Variants in KANSL1L observed in about 807,000 individuals in gnomAD.
KANSL1L encodes the protein KAT8 regulatory NSL complex subunit 1 like.
Under a neutral mutation model 108.6 loss-of-function variants are expected in KANSL1L, and 25 were observed. The observed-to-expected ratio is 0.23, with a 90% confidence interval of 0.17 to 0.32. KANSL1L has a LOEUF of 0.32. Among genes scored for constraint, KANSL1L ranks in the 10% least tolerant of loss-of-function variants. The pLI is 1.00. For missense variants in KANSL1L, 1,137 were observed against 1,125.7 expected (o/e 1.01, Z -0.14); for synonymous variants, 405 against 395.1 (o/e 1.03, Z -0.30).
intron 6 of KANSL1L, among the ~76,000 whole-genome samples, chr2:210,072,451 AAGAC>A (rs1320475048): frequency 6.6e-6 from 1 of 152,216 alleles, no homozygotes; most frequent in African/African-American, 2.4e-5. Context: ...GAGGCACTTT[AAGAC>A]AGCAGTCCCC....
intron 2 of KANSL1L, among the ~76,000 whole-genome samples, chr2:210,145,268 C>A (rs2095257503): frequency 6.6e-6 from 1 of 152,160 alleles, no homozygotes; most frequent in Non-Finnish European, 1.5e-5. Flanking sequence ...GGTGCATTTG[C>A]AGTGGTGGCA....
intron 1 of KANSL1L, among the ~76,000 whole-genome samples, chr2:210,160,928 T>C (rs1030026838): frequency 3.3e-5 from 5 of 150,584 alleles, no homozygotes; most frequent in African/African-American, 1.2e-4. Flanking sequence ...AGCAAAAGGA[T>C]GAACACATAT....
At chr2:210,088,788 C>T (rs1358588922) in intron 5 of KANSL1L, 2 of 152,262 alleles carry the variant, frequency 1.3e-5, no homozygotes, top group African/African-American at 4.8e-5. Flanking sequence ...GCCATCGCCA[C>T]CTCCACAAAA....
chr2:210,042,617 C>T (rs897978598), intron 7 of KANSL1L, among the ~76,000 whole-genome samples: 5 of 151,890 alleles, frequency 3.3e-5, no homozygotes, highest in African/African-American at 1.2e-4. Context: ...ATGAACAGAA[C>T]AAAGATATCT....
intron 5 of KANSL1L, among the ~76,000 whole-genome samples, chr2:210,082,631 T>C (rs1269882728): frequency 6.6e-6 from 1 of 152,234 alleles, no homozygotes; most frequent in Non-Finnish European, 1.5e-5. Flanking sequence ...GCATATGTCC[T>C]GCCCTTTGCT....
At chr2:210,113,072 G>C (rs927867103) in intron 3 of KANSL1L, among the ~76,000 whole-genome samples, 4 of 152,114 alleles carry the variant, frequency 2.6e-5, no homozygotes, top group African/African-American at 9.7e-5. Context: ...TCTGTGTTCT[G>C]ATCACTGATT....
Position 210,028,839 on chromosome 2 carries a change from A to C in KANSL1L, c.2396+6T>G. On this transcript the variant is annotated splice_donor_region_variant and intron_variant, in intron 11 of 14. Transcript: ENST00000281772. ...AAGAAAAATATGAAGATGTAAGTATACATACCTTGGAGTAAGTATTTCCTT... is the reference window on the plus strand; with the variant it reads ...AAGAAAAATATGAAGATGTAAGTATCCATACCTTGGAGTAAGTATTTCCTT... 1 of 1,570,944 alleles carries C rather than the reference A, an allele frequency of 6.4e-7. No individual in the cohort carries two copies. The highest frequency in any genetic ancestry group is 8.7e-7 in the Non-Finnish European group (1 of 1,150,810).
chr2:210,156,445 C>T (rs1216436088), intron 1 of KANSL1L, among the ~76,000 whole-genome samples: 1 of 151,632 alleles, frequency 6.6e-6, no homozygotes, highest in African/African-American at 2.4e-5. Context: ...AATAACAAAA[C>T]AGAGAATAAA....
chr2:210,117,682 A>G (rs376073980), intron 3 of KANSL1L, among the ~76,000 whole-genome samples: 1 of 152,118 alleles, frequency 6.6e-6, no homozygotes, highest in East Asian at 1.9e-4. Context: ...CACTAGACTA[A>G]GAAAAAAAAC....
intron 6 of KANSL1L, among the ~76,000 whole-genome samples, chr2:210,049,819 A>G (rs2094269507): frequency 6.6e-6 from 1 of 152,224 alleles, no homozygotes; most frequent in South Asian, 2.1e-4. Context: ...TAGAAAAGGC[A>G]TTTTCATTTC....
At chr2:210,124,353 G>GA (rs2095047063) in intron 3 of KANSL1L, among the ~76,000 whole-genome samples, 1 of 151,876 alleles carries the variant, frequency 6.6e-6, no homozygotes, top group Non-Finnish European at 1.5e-5. Flanking sequence ...CAGAAAACTG[G>GA]AAAATGCACA....
intron 4 of KANSL1L, among the ~76,000 whole-genome samples, chr2:210,099,609 C>T (rs1428265309): frequency 2.0e-5 from 3 of 152,122 alleles, no homozygotes; most frequent in African/African-American, 7.2e-5. Flanking sequence ...AATCATTAGT[C>T]ATGCAAATAA....
chr2:210,154,100 A>C lies in KANSL1L; in HGVS notation c.483T>G (p.Thr161=), dbSNP rs756141704. 1.2e-5 allele frequency: 20 copies of C among 1,613,892 alleles called. No homozygotes were observed. In the South Asian group the frequency reaches 1.9e-4, roughly 15 times the overall value. The change falls in exon 2 of 15, where the codon ACT becomes ACG. Residue 161 remains threonine, a synonymous_variant. Transcript: ENST00000281772. ...IILDSNITKD[T]NVDKVQLQNC... ...TTTGTAGTTGTACTTTATCTACATT[A>C]GTGTCTTTGGTTATATTTGAATCCA...
intron 3 of KANSL1L, among the ~76,000 whole-genome samples, chr2:210,107,507 C>T (rs1433729803): frequency 1.4e-5 from 2 of 138,108 alleles, no homozygotes; most frequent in Admixed American, 7.1e-5. Flanking sequence ...GCTTTCTTCT[C>T]CTCAAAAAAA....
Position 210,104,088 on chromosome 2 carries a change from CT to C in KANSL1L, c.1428+15del, listed in dbSNP as rs1250482275. 1.3e-6 allele frequency: 2 copies of C among 1,592,122 alleles called. No individual in the cohort carries two copies. Among genetic ancestry groups the C allele is most frequent in the Non-Finnish European group, 1.7e-6 (2 of 1,160,346 alleles). ...AAAGTCATTTCATACCACTGATATC[CT>C]TACTTTGACTTTACCTGTTTTTCGA... On this transcript the variant is annotated intron_variant, in intron 4 of 14. Coordinates refer to ENST00000281772, the MANE Select transcript of KANSL1L (RefSeq NM_152519.4).
At chr2:210,130,841 A>G (rs889606984) in intron 2 of KANSL1L, among the ~76,000 whole-genome samples, 2 of 44,456 alleles carry the variant, frequency 4.5e-5, no homozygotes, top group Admixed American at 7.1e-4. Context: ...CAAGGTGGTA[A>G]CAATTTTTTT....
intron 1 of KANSL1L, among the ~76,000 whole-genome samples, chr2:210,162,301 C>T: frequency 6.9e-6 from 1 of 144,150 alleles, no homozygotes; most frequent in Non-Finnish European, 1.5e-5. Context: ...GTCAACAATG[C>T]TTGACAAAGA....
At chr2:210,079,652 A>ATATATGTG (rs1559539758) in intron 5 of KANSL1L, among the ~76,000 whole-genome samples, 1 of 20,182 alleles carries the variant, frequency 5.0e-5, no homozygotes, top group African/African-American at 1.5e-4. Context: ...ATATATATAT[A>ATATATGTG]TATATATATA....
At chr2:210,159,866 T>C (rs912073341) in intron 1 of KANSL1L, among the ~76,000 whole-genome samples, 3 of 152,024 alleles carry the variant, frequency 2.0e-5, no homozygotes, top group Admixed American at 1.3e-4. Context: ...AAACCCCGTC[T>C]CTACTAAAAA....
Sources: gnomAD v4.1 joint callset for allele counts (sites outside exome capture counted in the v4.1 genomes callset) on GRCh38, gnomAD v4.1.1 for gene constraint, MANE v1.5 for transcripts, NCBI Gene and HGNC (gene_info 2026-07-23, HGNC 2026-07-21) for gene names.